Variants in ERBB4 observed in about 807,000 individuals in gnomAD.
ERBB4 encodes erb-b2 receptor tyrosine kinase 4, also known as receptor tyrosine-protein kinase erbB-4.
A neutral mutation model predicts 158.0 loss-of-function variants in ERBB4; 42 were observed. The ratio of observed to expected loss-of-function variants is 0.27; its 90% CI spans 0.21 to 0.34. The LOEUF is 0.34. Ranked by LOEUF, ERBB4 falls within the 10% of genes least tolerant of loss-of-function variation. The pLI is 1.00. For missense variants in ERBB4, 1,333 were observed against 1,624.1 expected (o/e 0.82, Z 3.08); for synonymous variants, 583 against 558.7 (o/e 1.04, Z -0.61).
chr2:211,625,156 A>G (rs539360411), intron 17 of ERBB4, among the ~76,000 whole-genome samples: 65 of 152,276 alleles, frequency 4.3e-4, no homozygotes, highest in Non-Finnish European at 8.8e-4. Flanking sequence ...TTATCTATGT[A>G]TGAGTAAAAG....
At chr2:211,648,591 C>T (rs1203380411) in intron 16 of ERBB4, among the ~76,000 whole-genome samples, 2 of 151,614 alleles carry the variant, frequency 1.3e-5, no homozygotes, top group Admixed American at 6.6e-5. Flanking sequence ...CTGTTAAAAA[C>T]AAATAAAATA....
chr2:212,513,286 CTAAAA>C (rs1691628672), intron 1 of ERBB4, among the ~76,000 whole-genome samples: 1 of 151,946 alleles, frequency 6.6e-6, no homozygotes, highest in Non-Finnish European at 1.5e-5. Context: ...ATTCAGCACT[CTAAAA>C]TGGAATACTA....
At chr2:212,264,370 A>T (rs779148459) in intron 1 of ERBB4, among the ~76,000 whole-genome samples, 30 of 152,060 alleles carry the variant, frequency 2.0e-4, no homozygotes, top group Non-Finnish European at 3.5e-4. Context: ...AGGCACATAG[A>T]CACATCTCAT....
intron 1 of ERBB4, among the ~76,000 whole-genome samples, chr2:212,380,152 T>C (rs2090456663): frequency 1.3e-5 from 2 of 151,196 alleles, no homozygotes; most frequent in Admixed American, 1.3e-4. Context: ...ACACAGTTGG[T>C]CTTCTATATC....
At chr2:212,186,635 C>A (rs888550916) in intron 1 of ERBB4, among the ~76,000 whole-genome samples, 1 of 152,216 alleles carries the variant, frequency 6.6e-6, no homozygotes, top group East Asian at 1.9e-4. Context: ...TTCAATAAGT[C>A]TTCTTTTCTC....
intron 7 of ERBB4, among the ~76,000 whole-genome samples, chr2:211,715,507 C>T (rs1378192984): frequency 6.6e-6 from 1 of 152,084 alleles, no homozygotes; most frequent in Non-Finnish European, 1.5e-5. Flanking sequence ...GATCTGTGTC[C>T]CCACCCAAAT....
chr2:212,358,427 A>C (rs892173232), intron 1 of ERBB4, among the ~76,000 whole-genome samples: 1 of 151,790 alleles, frequency 6.6e-6, no homozygotes, highest in Non-Finnish European at 1.5e-5. Context: ...ACACTTGTAC[A>C]GTAGACAAAT....
chr2:212,296,155 T>C (rs1040925932), intron 1 of ERBB4, among the ~76,000 whole-genome samples: 27 of 151,936 alleles, frequency 1.8e-4, no homozygotes, highest in African/African-American at 6.0e-4. Context: ...ATAAATTTAA[T>C]CTATAATGAT....
chr2:212,358,626 T>C (rs773015574), intron 1 of ERBB4, among the ~76,000 whole-genome samples: 4 of 151,782 alleles, frequency 2.6e-5, no homozygotes, highest in Non-Finnish European at 5.9e-5. Context: ...TTGGTGTATA[T>C]ATTTACCCTG....
At chr2:211,597,151 A>G (rs1361236201) in intron 19 of ERBB4, among the ~76,000 whole-genome samples, 1 of 152,200 alleles carries the variant, frequency 6.6e-6, no homozygotes, top group South Asian at 2.1e-4. Context: ...AAAATGCAAT[A>G]TCCAAATGGT....
intron 3 of ERBB4, among the ~76,000 whole-genome samples, chr2:211,803,167 T>C (rs74504761): frequency 0.068 from 10,311 of 152,234 alleles, 449 homozygotes; most frequent in South Asian, 0.14. Flanking sequence ...AATAGTAAAA[T>C]GTGTCATGCT....
chr2:211,999,307 C>T (rs1209189424), intron 2 of ERBB4, among the ~76,000 whole-genome samples: 1 of 151,710 alleles, frequency 6.6e-6, no homozygotes, highest in Non-Finnish European at 1.5e-5. Context: ...TCATTAGCAT[C>T]AATCAATTTT....
intron 1 of ERBB4, among the ~76,000 whole-genome samples, chr2:212,414,840 T>C (rs1192884724): frequency 6.6e-6 from 1 of 152,196 alleles, no homozygotes; most frequent in Non-Finnish European, 1.5e-5. Context: ...CTGGTTTGTC[T>C]AATGATGTAG....
At chr2:211,701,404 A>G (rs1443040320) in intron 12 of ERBB4, among the ~76,000 whole-genome samples, 3 of 152,138 alleles carry the variant, frequency 2.0e-5, no homozygotes. Flanking sequence ...TAAACATGTA[A>G]ATGCCCAGGT....
chr2:212,483,762 AGT>A (rs1344940726), intron 1 of ERBB4, among the ~76,000 whole-genome samples: 1 of 151,968 alleles, frequency 6.6e-6, no homozygotes, highest in Non-Finnish European at 1.5e-5. Flanking sequence ...TTTGAGACTG[AGT>A]CTTGCTCTAT....
At chr2:212,459,113 T>C (rs906864149) in intron 1 of ERBB4, among the ~76,000 whole-genome samples, 1 of 152,208 alleles carries the variant, frequency 6.6e-6, no homozygotes, top group Non-Finnish European at 1.5e-5. Context: ...TCTGAGGCCA[T>C]ATATCTGAAG....
chr2:211,862,183 G>A (rs1559587660), intron 3 of ERBB4, among the ~76,000 whole-genome samples: 1 of 152,070 alleles, frequency 6.6e-6, no homozygotes, highest in Non-Finnish European at 1.5e-5. Context: ...TCTAGCAAGT[G>A]TTTATTTTCA....
chr2:212,527,143 A>G (rs1036009120), intron 1 of ERBB4, among the ~76,000 whole-genome samples: 4 of 152,078 alleles, frequency 2.6e-5, no homozygotes, highest in African/African-American at 9.7e-5. Flanking sequence ...AAACTACAGT[A>G]CTGTGTAAGG....
intron 1 of ERBB4, among the ~76,000 whole-genome samples, chr2:212,392,426 G>A (rs2090905185): frequency 1.3e-5 from 2 of 151,982 alleles, no homozygotes; most frequent in Admixed American, 1.3e-4. Context: ...GAAAGCAAGA[G>A]ATAAATTTTC....
Sources: allele counts gnomAD v4.1 joint callset (sites outside exome capture counted in the v4.1 genomes callset), GRCh38; gene constraint gnomAD v4.1.1; transcripts MANE v1.5; gene names NCBI Gene and HGNC (gene_info 2026-07-23, HGNC 2026-07-21).